The following ZNF514 variants were observed in gnomAD, a reference collection of about 807,000 sequenced individuals.
The protein encoded by ZNF514 is zinc finger protein 514.
In ZNF514, 12 loss-of-function variants were observed where a neutral mutation model predicts 9.7. The observed-to-expected ratio is 1.24, with a 90% CI of 0.79 to 2.01. The LOEUF (loss-of-function observed/expected upper bound fraction) is 2.01. Among genes scored for constraint, ZNF514 ranks in the 30% most tolerant of loss-of-function variants. The probability of loss-of-function intolerance (pLI) is 0.00; values close to 1 mark genes in which losing one functional copy is unlikely to be tolerated. For missense variants in ZNF514, 467 were observed against 465.5 expected, an observed-to-expected ratio of 1.00 and a Z score of -0.03; for synonymous variants, 158 against 163.7, an observed-to-expected ratio of 0.97 and a Z score of 0.27.
chr2:95,141,018 T>TTCAGGGAC (rs1375704527), downstream of ZNF514, among the ~76,000 whole-genome samples: 4 of 151,400 alleles, frequency 2.6e-5, no homozygotes, highest in African/African-American at 4.8e-5. Context: ...ACAGACGGAC[T>TTCAGGGAC]TCAGGGACTC....
At chr2:95,125,587 CGTT>C in the ZNF514 span, among the ~76,000 whole-genome samples, 4 of 152,288 alleles carry the variant, frequency 2.6e-5, no homozygotes, top group South Asian at 8.3e-4. Flanking sequence ...AGTACATTCA[CGTT>C]GTTGTGCTAC....
Position 95,146,828 on chromosome 2 carries a change from C to T in ZNF514, c.*2454G>A, listed in dbSNP as rs943017880. On this transcript the variant is annotated 3_prime_UTR_variant, in exon 5 of 5. Transcript: ENST00000295208. Reference sequence around the variant, plus strand: ...AGGGCACTGGGAAAAAAGGGAGAGACGGAGCAAGAAAATATTTGCTATTTC... The same window carrying T: ...AGGGCACTGGGAAAAAAGGGAGAGATGGAGCAAGAAAATATTTGCTATTTC... 6.6e-5 allele frequency among the ~76,000 whole-genome samples: 10 copies of T among 151,956 alleles called. No homozygotes were observed. In the East Asian group the frequency reaches 1.2e-3, roughly 18 times the overall value.
At chr2:95,128,980 A>G in the ZNF514 span, among the ~76,000 whole-genome samples, 1 of 152,224 alleles carries the variant, frequency 6.6e-6, no homozygotes, top group South Asian at 2.1e-4. Context: ...AAGCCTTTGG[A>G]TCGCTTCTTC....
At chr2:95,124,421 C>G in the ZNF514 span, among the ~76,000 whole-genome samples, 10 of 152,150 alleles carry the variant, frequency 6.6e-5, no homozygotes, top group Non-Finnish European at 1.3e-4. Flanking sequence ...TTCCATGGCA[C>G]TAACATTTGT....
chr2:95,141,820 C>A (rs754421583), downstream of ZNF514, among the ~76,000 whole-genome samples: 109 of 152,278 alleles, frequency 7.2e-4, no homozygotes, highest in Admixed American at 1.6e-3. Flanking sequence ...ATTGACACAA[C>A]AAGATGGCTA....
the ZNF514 span, among the ~76,000 whole-genome samples, chr2:95,124,247 G>GT: frequency 1.8e-3 from 273 of 152,052 alleles, 2 homozygotes; most frequent in African/African-American, 6.4e-3. Context: ...CCACTAATCT[G>GT]TTTCTCATCT....
chr2:95,142,638 T>C (rs1673268096), downstream of ZNF514, among the ~76,000 whole-genome samples: 1 of 152,220 alleles, frequency 6.6e-6, no homozygotes, highest in African/African-American at 2.4e-5. Context: ...TTTCAAGACT[T>C]GCCTGTGTAT....
downstream of ZNF514, among the ~76,000 whole-genome samples, chr2:95,142,412 C>A (rs1673260705): frequency 6.6e-6 from 1 of 152,122 alleles, no homozygotes; most frequent in Non-Finnish European, 1.5e-5. Flanking sequence ...AAATTTGAAT[C>A]CAATGAACTT....
chr2:95,131,659 A>T, the ZNF514 span, among the ~76,000 whole-genome samples: 1 of 152,174 alleles, frequency 6.6e-6, no homozygotes, highest in African/African-American at 2.4e-5. Context: ...TGCCCAACTT[A>T]TTTTTTTACT....
the ZNF514 span, among the ~76,000 whole-genome samples, chr2:95,135,355 G>GT: frequency 6.7e-6 from 1 of 149,902 alleles, no homozygotes; most frequent in African/African-American, 2.4e-5. Flanking sequence ...TGATGCCATT[G>GT]TATTACACAT....
chr2:95,151,935 A>T (rs1428419401), intron 4 of ZNF514, among the ~76,000 whole-genome samples: 1 of 152,216 alleles, frequency 6.6e-6, no homozygotes, highest in Admixed American at 6.5e-5. Flanking sequence ...CCCTTTCATA[A>T]AGCCCAGCCT....
chr2:95,130,303 G>A, the ZNF514 span, among the ~76,000 whole-genome samples: 3 of 152,336 alleles, frequency 2.0e-5, no homozygotes, highest in Non-Finnish European at 2.9e-5. Context: ...GAGGCAGGGC[G>A]AGATCACAGG....
At chr2:95,157,579 A>C (rs1389920182) in intron 1 of ZNF514, 140 bp from the exon 2 acceptor site, 1 of 407,168 alleles carries the variant, frequency 2.5e-6, no homozygotes, top group Non-Finnish European at 4.6e-6. Context: ...AAAGGATCTG[A>C]GAGGCAGCTT....
the ZNF514 span, among the ~76,000 whole-genome samples, chr2:95,139,016 T>TGCCACTTTGGAGAATG: frequency 6.6e-6 from 1 of 152,242 alleles, no homozygotes; most frequent in African/African-American, 2.4e-5. Flanking sequence ...CAGGTACAGC[T>TGCCACTTTGGAGAATG]CAAGCTGCCA....
chr2:95,139,995 G>A, the ZNF514 span, among the ~76,000 whole-genome samples: 1 of 152,080 alleles, frequency 6.6e-6, no homozygotes, highest in Non-Finnish European at 1.5e-5. Context: ...CATGGATGAA[G>A]ATGGAAACCA....
chr2:95,140,213 C>T (rs1410792755), downstream of ZNF514, among the ~76,000 whole-genome samples: 3 of 152,176 alleles, frequency 2.0e-5, no homozygotes, highest in Admixed American at 1.3e-4. Flanking sequence ...AGCAAACCAA[C>T]ATGGCACATG....
the ZNF514 span, among the ~76,000 whole-genome samples, chr2:95,126,416 G>GA: frequency 6.3e-5 from 8 of 127,178 alleles, no homozygotes; most frequent in African/African-American, 1.2e-4. Context: ...AAGAAAGGAA[G>GA]AAAAAAAGAA....
rs1427057090 is a variant in ZNF514, at chr2:95,145,714, A to G, written c.*3568T>C. ...TCGAACCAATGTAAATCTTACATGT[A>G]TTGATGTCTTACATTCCCCTAAAAT... On this transcript the variant is annotated 3_prime_UTR_variant, in exon 5 of 5. Transcript: ENST00000295208. 6.6e-6 allele frequency among the ~76,000 whole-genome samples: 1 copy of G among 152,208 alleles called. No homozygotes were observed. The highest frequency in any genetic ancestry group is 1.9e-4 in the East Asian group (1 of 5,200).
the ZNF514 span, among the ~76,000 whole-genome samples, chr2:95,130,536 C>CG: frequency 5.9e-5 from 9 of 152,136 alleles, no homozygotes; most frequent in East Asian, 1.2e-3. Flanking sequence ...AGGTATGCCC[C>CG]GGGGGGGCCG....
Sources: allele counts gnomAD v4.1 joint callset (sites outside exome capture counted in the v4.1 genomes callset), GRCh38; gene constraint gnomAD v4.1.1; transcripts MANE v1.5; gene names NCBI Gene and HGNC (gene_info 2026-07-23, HGNC 2026-07-21).